MACROD2: variants seen among roughly 807,000 people sequenced by gnomAD.
MACROD2 encodes mono-ADP ribosylhydrolase 2.
In MACROD2, 36 loss-of-function variants were observed where a neutral mutation model predicts 70.4. The observed-to-expected ratio is 0.51, with a 90% CI of 0.39 to 0.68. The LOEUF is 0.68. MACROD2 is among the 30% of genes least tolerant of loss of function. The pLI is 0.00. For missense variants in MACROD2, 496 were observed against 538.4 expected (o/e 0.92, Z 0.78); for synonymous variants, 172 against 178.8 (o/e 0.96, Z 0.30).
intron 3 of MACROD2, among the ~76,000 whole-genome samples, chr20:14,207,534 C>T (rs1161738207): frequency 6.6e-6 from 1 of 151,184 alleles, no homozygotes; most frequent in Non-Finnish European, 1.5e-5. Context: ...TACTTTGGCA[C>T]GTCAGTATCT....
At chr20:15,571,027 T>G (rs1299701142) in intron 8 of MACROD2, among the ~76,000 whole-genome samples, 4 of 152,216 alleles carry the variant, frequency 2.6e-5, no homozygotes, top group African/African-American at 9.6e-5. Flanking sequence ...TTATCATCTT[T>G]TCTTGTACCC....
chr20:14,577,174 G>A (rs534896254), intron 4 of MACROD2, among the ~76,000 whole-genome samples: 1 of 152,216 alleles, frequency 6.6e-6, no homozygotes, highest in South Asian at 2.1e-4. Context: ...GCCACTGGAT[G>A]GCCAAATCAT....
intron 4 of MACROD2, among the ~76,000 whole-genome samples, chr20:14,627,972 A>G (rs939811406): frequency 5.9e-5 from 9 of 152,246 alleles, no homozygotes; most frequent in African/African-American, 2.2e-4. Flanking sequence ...GAATGCAGAC[A>G]TGGGATAACT....
In MACROD2 at chr20:14,684,852, G is replaced by C; in HGVS notation, c.311G>C (p.Cys104Ser). ...CTTCTTTCTCCCTTAGTGGATGGCT[G>C]TATTCATAGAGCAGCCGGCCCCTGT... ...SLLGGGGVDG[C>S]IHRAAGPCLL... The change falls in exon 5 of 18, where the codon TGT (cysteine) becomes TCT (serine). Residue 104 changes from cysteine to serine, a missense_variant. Physicochemically the swap from Cys to Ser is moderately radical, Grantham distance 112 (BLOSUM62 -1). Coordinates refer to ENST00000684519, the MANE Select transcript of MACROD2 (RefSeq NM_001351661.2). 1 of 1,613,694 alleles carries C rather than the reference G, an allele frequency of 6.2e-7. No homozygotes were observed. The highest frequency in any genetic ancestry group is 8.5e-7 in the Non-Finnish European group (1 of 1,179,630).
At chr20:15,017,524 C>G (rs944794550) in intron 5 of MACROD2, among the ~76,000 whole-genome samples, 15 of 152,184 alleles carry the variant, frequency 9.9e-5, no homozygotes, top group African/African-American at 3.6e-4. Context: ...GACGGTGGTC[C>G]TCTTCTCACA....
At chr20:15,163,454 C>T (rs2076362240) in intron 5 of MACROD2, among the ~76,000 whole-genome samples, 1 of 151,992 alleles carries the variant, frequency 6.6e-6, no homozygotes, top group Non-Finnish European at 1.5e-5. Context: ...ATAGCATTCT[C>T]ACTAATTAAG....
At chr20:15,879,024 C>T (rs971798590) in intron 9 of MACROD2, among the ~76,000 whole-genome samples, 3 of 151,992 alleles carry the variant, frequency 2.0e-5, no homozygotes, top group Non-Finnish European at 4.4e-5. Flanking sequence ...CAAAGAGGTC[C>T]CGTAAGATTA....
intron 3 of MACROD2, among the ~76,000 whole-genome samples, chr20:14,463,442 T>C (rs1299668023): frequency 2.0e-5 from 3 of 151,976 alleles, no homozygotes; most frequent in South Asian, 4.1e-4. Context: ...TGGGCTGAGA[T>C]GATGGGGTTT....
intron 5 of MACROD2, among the ~76,000 whole-genome samples, chr20:14,831,649 G>A (rs1394710460): frequency 1.3e-5 from 2 of 151,320 alleles, no homozygotes; most frequent in Non-Finnish European, 2.9e-5. Flanking sequence ...GTGTGGTGGC[G>A]GGCGCTTGTA....
rs745774476 is a variant in MACROD2, at chr20:15,171,637, T to C, written c.419-58303T>C. On this transcript the variant is annotated intron_variant, in intron 5 of 17. Coordinates refer to ENST00000684519, the MANE Select transcript of MACROD2 (RefSeq NM_001351661.2). ...GTCTCTCTTCTCTCTCTCTCTCCCC[T>C]CTCTTTCTCTCAATTGTTTATACTT... 5.9e-4 allele frequency among the ~76,000 whole-genome samples: 89 copies of C among 152,102 alleles called. 1 individual carries two copies. The highest frequency in any genetic ancestry group is 3.1e-4 in the Non-Finnish European group (21 of 68,026).
chr20:15,031,946 C>T (rs1358997004), intron 5 of MACROD2, among the ~76,000 whole-genome samples: 1 of 152,194 alleles, frequency 6.6e-6, no homozygotes, highest in Non-Finnish European at 1.5e-5. Context: ...CTGTTCGTGC[C>T]CAGGCCCGCA....
intron 3 of MACROD2, among the ~76,000 whole-genome samples, chr20:14,392,198 G>A (rs1470866692): frequency 6.6e-6 from 1 of 151,788 alleles, no homozygotes; most frequent in African/African-American, 2.4e-5. Flanking sequence ...TATATTTCAA[G>A]AATTGTTATG....
intron 5 of MACROD2, among the ~76,000 whole-genome samples, chr20:15,190,100 T>G (rs1333099063): frequency 6.6e-6 from 1 of 152,212 alleles, no homozygotes; most frequent in Non-Finnish European, 1.5e-5. Flanking sequence ...ATATTTAACA[T>G]ATAACTATAA....
intron 9 of MACROD2, among the ~76,000 whole-genome samples, chr20:15,870,479 C>T (rs1223794951): frequency 2.0e-5 from 3 of 152,030 alleles, no homozygotes; most frequent in African/African-American, 7.2e-5. Flanking sequence ...ATTTAATTGC[C>T]GTTGTAACAG....
At chr20:14,212,234 G>A (rs1370849726) in intron 3 of MACROD2, among the ~76,000 whole-genome samples, 1 of 152,034 alleles carries the variant, frequency 6.6e-6, no homozygotes, top group Non-Finnish European at 1.5e-5. Flanking sequence ...ATGGCCTACA[G>A]GTAACACCAC....
At chr20:14,363,307 C>T (rs1000536189) in intron 3 of MACROD2, among the ~76,000 whole-genome samples, 1 of 152,012 alleles carries the variant, frequency 6.6e-6, no homozygotes, top group African/African-American at 2.4e-5. Flanking sequence ...CATTTTACAG[C>T]TGTGGAAATA....
At chr20:15,475,022 A>AT (rs1319767915) in intron 7 of MACROD2, among the ~76,000 whole-genome samples, 1 of 146,006 alleles carries the variant, frequency 6.8e-6, no homozygotes, top group Non-Finnish European at 1.6e-5. Context: ...CAGAAAAAAA[A>AT]AATAAATAAC....
At chr20:14,173,808 T>A (rs546538968) in intron 3 of MACROD2, among the ~76,000 whole-genome samples, 10 of 152,272 alleles carry the variant, frequency 6.6e-5, no homozygotes, top group African/African-American at 2.2e-4. Context: ...TCCCACAGGG[T>A]GCTCCCTTGA....
intron 5 of MACROD2, among the ~76,000 whole-genome samples, chr20:15,038,067 G>C (rs1003975009): frequency 6.6e-6 from 1 of 152,210 alleles, no homozygotes; most frequent in South Asian, 2.1e-4. Flanking sequence ...GTACAATTAT[G>C]TGTCAATTAG....
Sources: gnomAD v4.1 joint callset for allele counts (sites outside exome capture counted in the v4.1 genomes callset) on GRCh38, gnomAD v4.1.1 for gene constraint, MANE v1.5 for transcripts, NCBI Gene and HGNC (gene_info 2026-07-23, HGNC 2026-07-21) for gene names.